HARS1: variants seen among roughly 807,000 people sequenced by gnomAD.
HARS1 encodes the protein histidyl-tRNA synthetase 1, also known as histidine--tRNA ligase, cytoplasmic.
HARS1 carries 45 observed loss-of-function variants against 63.6 expected under a neutral mutation model. That is an observed-to-expected ratio of 0.71 (90% CI 0.56 to 0.91). The LOEUF (loss-of-function observed/expected upper bound fraction) is 0.91. HARS1 is among the 40% of genes least tolerant of loss of function. The probability of loss-of-function intolerance (pLI) is 0.00; values close to 1 mark genes in which losing one functional copy is unlikely to be tolerated. For synonymous variants in HARS1, 205 were observed against 247.1 expected (o/e 0.83, Z 1.60); for missense variants, 508 against 643.2 (o/e 0.79, Z 2.27).
At position 140,677,435 on chromosome 5, in the gene HARS1, A is replaced by G. The variant is rs1200711423; in HGVS notation, c.730-15T>C. ...TCCCAGGACACCTAGGCAGACAGAC[A>G]CCAGTCAGGGACCCCTGGGCAGCTT... On this transcript the variant is annotated splice_polypyrimidine_tract_variant and intron_variant, in intron 7 of 12. Coordinates refer to ENST00000504156, the MANE Select transcript of HARS1 (RefSeq NM_002109.6). 6.3e-7 allele frequency: 1 copy of G among 1,590,422 alleles called. No homozygotes were observed. The highest frequency in any genetic ancestry group is 1.3e-5 in the African/African-American group (1 of 74,524).
At chr5:140,681,717 A>G (rs1233662505) in intron 3 of HARS1, among the ~76,000 whole-genome samples, 3 of 151,868 alleles carry the variant, frequency 2.0e-5, no homozygotes, top group African/African-American at 7.2e-5. Context: ...AGCCATGGAG[A>G]GAGGCCTGGA....
At chr5:140,687,471 G>C (rs1333412638) in intron 2 of HARS1, 1 of 152,030 alleles carries the variant, frequency 6.6e-6, no homozygotes, top group African/African-American at 2.4e-5. Context: ...GCTTGAACCC[G>C]GGAAGTGGAG....
intron 3 of HARS1, among the ~76,000 whole-genome samples, chr5:140,682,176 C>T (rs61093427): frequency 0.19 from 29,325 of 151,458 alleles, 3,337 homozygotes; most frequent in East Asian, 0.3. Context: ...GCCAGGGGTT[C>T]GTTCGCAAGC....
intron 3 of HARS1, chr5:140,682,657 C>T (rs954192026): frequency 6.5e-6 from 1 of 154,834 alleles, no homozygotes; most frequent in African/African-American, 2.4e-5. Context: ...TCCTCGGATC[C>T]AGTGATCTTT....
chr5:140,674,704 A>C lies in HARS1; in HGVS notation c.1433T>G (p.Leu478Arg), dbSNP rs1024985302. 5.6e-6 allele frequency: 9 copies of C among 1,614,082 alleles called. No individual in the cohort carries two copies. The highest frequency in any genetic ancestry group is 6.8e-6 in the Non-Finnish European group (8 of 1,180,016). ...EQELKDGVIK[L>R]RSVTSREEVD... ...CTCTTCCCTGCTCGTCACTGAACGG[A>C]GCTTGATGACCCCATCCTTGAGTTC... Residue 478 changes from leucine to arginine, a missense_variant, in exon 12 of 13, where the codon CTC (leucine) becomes CGC (arginine). By Grantham distance (102) the Leu-to-Arg change is moderately radical (BLOSUM62 -2). Around this residue, in one of 2 missense-constraint regions of HARS1, gnomAD observed 403 missense variants for 548.7 expected, o/e 0.73. Transcript: ENST00000504156.
rs1758619872 is a variant in HARS1, at chr5:140,679,947, A to G, written c.301-64T>C. 1.1e-6 allele frequency: 1 copy of G among 904,968 alleles called. No homozygotes were observed. The highest frequency in any genetic ancestry group is 1.8e-6 in the Non-Finnish European group (1 of 555,176). The allele number at this position is 904,968 out of a possible 1,614,324, so 56.1% of individuals were successfully genotyped here. A position where few individuals can be genotyped will look rare whatever the true frequency, so the allele number is the denominator to read the frequency against. ...CATAACAATTTAAAAGGAAGTTTTGAAAACAAACATGACTGATTCCAACTT... is the reference window on the plus strand; with the variant it reads ...CATAACAATTTAAAAGGAAGTTTTGGAAACAAACATGACTGATTCCAACTT... On this transcript the variant is annotated intron_variant, in intron 3 of 12. Transcript: ENST00000504156. This position sits in a 1 kb window ranked among gnomAD's most constrained non-coding sequence, Gnocchi z 4.3.
At chr5:140,681,520 T>A (rs1193148390) in intron 3 of HARS1, among the ~76,000 whole-genome samples, 1 of 152,076 alleles carries the variant, frequency 6.6e-6, no homozygotes, top group Non-Finnish European at 1.5e-5. Context: ...ATAGAAAAAT[T>A]AGCCAGGTGT....
chr5:140,678,967 T>G (rs748863950), intron 5 of HARS1, 35 bp downstream of exon 5: 2 of 1,608,948 alleles, frequency 1.2e-6, no homozygotes, highest in Non-Finnish European at 1.7e-6. Flanking sequence ...GAGCCCCAAG[T>G]AACTCATCCT....
intron 10 of HARS1, chr5:140,675,457 G>A (rs145446993): frequency 3.7e-5 from 8 of 213,734 alleles, no homozygotes; most frequent in South Asian, 7.0e-5. Flanking sequence ...CTGAAGTGCC[G>A]TGGTGTGATC....
rs777428952 is a variant in HARS1 at position 140,691,355 on chromosome 5, C to T, written c.-51G>A. The T allele has an allele frequency of 3.6e-6, 5 of 1,399,324 alleles. No individual in the cohort carries two copies. The highest frequency in any genetic ancestry group is 2.8e-5 in the African/African-American group (2 of 70,610). 86.7% of individuals were successfully genotyped at this position (1,399,324 alleles called of 1,614,324 possible). On this transcript the variant is annotated 5_prime_UTR_variant, in exon 1 of 13. Coordinates refer to ENST00000504156, the MANE Select transcript of HARS1 (RefSeq NM_002109.6). The stretch of plus-strand genomic sequence containing the variant: ...CTGTCTCGACCTGCGGTGGTTGCCC[C>T]AGCCTCAGCAAGGATGACTTCCGGC...
At position 140,676,571 on chromosome 5, in the gene HARS1, G is replaced by A; in HGVS notation, c.1194+83C>T. On this transcript the variant is annotated intron_variant, in intron 10 of 12. Coordinates refer to ENST00000504156, the MANE Select transcript of HARS1 (RefSeq NM_002109.6). The surrounding 1 kb of genome is among the most constrained non-coding windows in gnomAD (Gnocchi z 4.1). ...TGTGAGATGCTCCCTGCCCAAAGCAGCACCACTTGCTCCCTTGGAGATCAG... is the reference window on the plus strand; with the variant it reads ...TGTGAGATGCTCCCTGCCCAAAGCAACACCACTTGCTCCCTTGGAGATCAG... The A allele has an allele frequency of 7.0e-7, 1 of 1,432,404 alleles. No homozygotes were observed. Among genetic ancestry groups the A allele is most frequent in the Non-Finnish European group, 9.7e-7 (1 of 1,035,644 alleles). The allele number at this position is 1,432,404 out of a possible 1,614,324, so 88.7% of individuals were successfully genotyped here.
At chr5:140,690,735 G>C in intron 2 of HARS1, 120 bp downstream of exon 2, 1 of 717,816 alleles carries the variant, frequency 1.4e-6, no homozygotes, top group Admixed American at 2.0e-5. Flanking sequence ...CAGAGCGACT[G>C]TCCTCTCCTC....
At chr5:140,689,413 A>G (rs1159366419) in intron 2 of HARS1, among the ~76,000 whole-genome samples, 1 of 149,424 alleles carries the variant, frequency 6.7e-6, no homozygotes, top group Non-Finnish European at 1.5e-5. Flanking sequence ...AATAGTTGCT[A>G]TACTATATTT....
intron 3 of HARS1, among the ~76,000 whole-genome samples, chr5:140,680,743 G>A (rs1027087701): frequency 1.3e-5 from 2 of 151,810 alleles, no homozygotes; most frequent in Non-Finnish European, 2.9e-5. Flanking sequence ...CGGAGGCTTA[G>A]GCAGGAGAAT....
intron 5 of HARS1, 40 bp downstream of exon 5, chr5:140,678,962 C>T (rs755533672): frequency 1.9e-6 from 3 of 1,606,762 alleles, no homozygotes; most frequent in South Asian, 1.1e-5. Context: ...TGAGAGAGCC[C>T]CAAGTAACTC....
Position 140,679,518 on chromosome 5 carries a change from A to G in HARS1, c.396+270T>C. ...TTAAGAAGAATTTTGTTCACTGGAC[A>G]GGGCAGGGGAGAGGTATTCTGGAGC... On this transcript the variant is annotated intron_variant, in intron 4 of 12. Coordinates refer to ENST00000504156, the MANE Select transcript of HARS1 (RefSeq NM_002109.6). The surrounding 1 kb of genome is among the most constrained non-coding windows in gnomAD (Gnocchi z 4.3). The G allele has an allele frequency of 2.3e-6, 1 of 434,398 alleles. No individual in the cohort carries two copies. Among genetic ancestry groups the G allele is most frequent in the South Asian group, 4.3e-5 (1 of 23,200 alleles). 26.9% of individuals were successfully genotyped at this position (434,398 alleles called of 1,614,324 possible).
intron 2 of HARS1, chr5:140,684,297 A>G (rs1410924432): frequency 1.1e-6 from 1 of 935,282 alleles, no homozygotes; most frequent in African/African-American, 2.1e-5. Flanking sequence ...CAAAACAAAA[A>G]CAAAAACAAA....
intron 3 of HARS1, among the ~76,000 whole-genome samples, chr5:140,681,333 A>G (rs1317844605): frequency 2.6e-5 from 4 of 152,170 alleles, no homozygotes; most frequent in African/African-American, 9.7e-5. Context: ...TGTTGTAAGA[A>G]GAGAAAATTT....
intron 7 of HARS1, 46 bp downstream of exon 7, chr5:140,677,609 G>T: frequency 7.6e-7 from 1 of 1,309,810 alleles, no homozygotes; most frequent in Non-Finnish European, 1.1e-6. Context: ...CATTTCCCAA[G>T]GCAGGGTGGG....
Sources: gnomAD v4.1 joint callset for allele counts (sites outside exome capture counted in the v4.1 genomes callset) on GRCh38, gnomAD v4.1.1 for gene constraint, gnomAD v4.1.1 regional missense constraint, Gnocchi (gnomAD v3.1) non-coding constraint, MANE v1.5 for transcripts, NCBI Gene and HGNC (gene_info 2026-07-23, HGNC 2026-07-21) for gene names.